RAB3GAP2: variants seen among roughly 807,000 people sequenced by gnomAD.
RAB3GAP2 encodes rab3 GTPase-activating protein non-catalytic subunit.
A neutral mutation model predicts 185.3 loss-of-function variants in RAB3GAP2; 87 were observed. The ratio of observed to expected loss-of-function variants is 0.47; its 90% CI spans 0.39 to 0.56. The LOEUF (loss-of-function observed/expected upper bound fraction) is 0.56, where lower values mean the gene tolerates loss of function less well. Among genes scored for constraint, RAB3GAP2 ranks in the 20% least tolerant of loss-of-function variants. The probability of loss-of-function intolerance (pLI) is 0.00; values close to 1 mark genes in which losing one functional copy is unlikely to be tolerated. For synonymous variants in RAB3GAP2, 554 were observed against 576.1 expected (o/e 0.96, Z 0.55); for missense variants, 1,492 against 1,638.2 (o/e 0.91, Z 1.54).
chr1:220,233,857 C>A (rs757980212), intron 1 of RAB3GAP2, among the ~76,000 whole-genome samples: 1 of 152,128 alleles, frequency 6.6e-6, no homozygotes, highest in Non-Finnish European at 1.5e-5. Flanking sequence ...CCTGCCACCA[C>A]GCCCGGCTGA....
At chr1:220,269,718 T>A (rs182074379) in intron 1 of RAB3GAP2, among the ~76,000 whole-genome samples, 82 of 151,758 alleles carry the variant, frequency 5.4e-4, no homozygotes, top group Non-Finnish European at 1.0e-3. Context: ...TGAGACTTCA[T>A]CTCAAAAAAA....
chr1:220,159,551 A>G (rs1369399486), intron 28 of RAB3GAP2, 130 bp from the exon 29 acceptor site: 8 of 675,236 alleles, frequency 1.2e-5, no homozygotes, highest in Non-Finnish European at 2.1e-5. Flanking sequence ...TGACAGCCTC[A>G]TTAATTAGCT....
intron 1 of RAB3GAP2, among the ~76,000 whole-genome samples, 161 bp from the exon 2 acceptor site, chr1:220,233,024 T>A (rs1443301838): frequency 6.6e-6 from 1 of 152,194 alleles, no homozygotes; most frequent in Non-Finnish European, 1.5e-5. Context: ...CTATATGTAA[T>A]AACAATCAGA....
chr1:220,155,756 A>T (rs1657845326), intron 31 of RAB3GAP2, among the ~76,000 whole-genome samples: 1 of 152,190 alleles, frequency 6.6e-6, no homozygotes, highest in South Asian at 2.1e-4. Flanking sequence ...TGTCTCAGGT[A>T]GTCTTGGCAT....
At chr1:220,155,620 A>G (rs1479987584) in intron 31 of RAB3GAP2, among the ~76,000 whole-genome samples, 23 of 152,200 alleles carry the variant, frequency 1.5e-4, no homozygotes, top group Admixed American at 1.5e-3. Flanking sequence ...TGGCACTGCT[A>G]CTTTCTGAAT....
At chr1:220,202,056 T>C (rs1658870658) in intron 9 of RAB3GAP2, among the ~76,000 whole-genome samples, 2 of 151,980 alleles carry the variant, frequency 1.3e-5, no homozygotes, top group South Asian at 4.2e-4. Flanking sequence ...TCTCAGCTAC[T>C]TGGGAGGCTG....
chr1:220,184,278 A>C lies in RAB3GAP2; in HGVS notation c.1871-115T>G. ...TAATTCCCTGATGCTCTGATGTATT[A>C]AATACTGAGATGCTTAAGCTATACC... On this transcript the variant is annotated intron_variant, in intron 18 of 34. Coordinates refer to ENST00000358951, the MANE Select transcript of RAB3GAP2 (RefSeq NM_012414.4). 3.1e-6 allele frequency: 3 copies of C among 964,150 alleles called. 1 individual carries two copies. The South Asian group carries it at 5.0e-5, about 16-fold the overall frequency. 59.7% of individuals were successfully genotyped at this position (964,150 alleles called of 1,614,324 possible).
rs181714608 is a variant in RAB3GAP2, at chr1:220,260,601, T to G, written c.115+11622A>C. On this transcript the variant is annotated intron_variant, in intron 1 of 34. Coordinates refer to ENST00000358951, the MANE Select transcript of RAB3GAP2 (RefSeq NM_012414.4). ...AACACACTGGGGCCTGTTGGGGTGGTGGGGGGAGGGAGAACATCAGGAAGA... is the reference window on the plus strand; with the variant it reads ...AACACACTGGGGCCTGTTGGGGTGGGGGGGGGAGGGAGAACATCAGGAAGA... Among the ~76,000 whole-genome samples the G allele has an allele frequency of 6.6e-3, 934 of 141,726 alleles. 5 individuals carry two copies. The highest frequency in any genetic ancestry group is 0.011 in the Non-Finnish European group (712 of 65,336). 93.0% of individuals were successfully genotyped at this position (141,726 alleles called of 152,430 possible).
chr1:220,189,971 A>T (rs767093207), intron 16 of RAB3GAP2, 93 bp downstream of exon 16: 7 of 1,154,488 alleles, frequency 6.1e-6, no homozygotes, highest in Admixed American at 1.8e-5. Context: ...AAGCTCATCC[A>T]TGCATTATTT....
chr1:220,233,932 C>T (rs1659546966), intron 1 of RAB3GAP2, among the ~76,000 whole-genome samples: 1 of 152,074 alleles, frequency 6.6e-6, no homozygotes, highest in Non-Finnish European at 1.5e-5. Flanking sequence ...AACTCCTGAC[C>T]TCAAGTGATC....
intron 7 of RAB3GAP2, among the ~76,000 whole-genome samples, chr1:220,207,352 GTTAATC>G (rs1379990195): frequency 2.0e-5 from 3 of 152,090 alleles, no homozygotes; most frequent in Admixed American, 6.5e-5. Context: ...TCAAAAGTTT[GTTAATC>G]TTTATCTTTG....
chr1:220,237,138 C>T (rs1215156831), intron 1 of RAB3GAP2, among the ~76,000 whole-genome samples: 1 of 152,160 alleles, frequency 6.6e-6, no homozygotes, highest in Non-Finnish European at 1.5e-5. Context: ...CAAAAGGTAT[C>T]ATGGAATTAA....
rs1331957590 is a variant in RAB3GAP2 at position 220,189,660 on chromosome 1, T to C, written c.1779+43A>G. Reference sequence around the variant, plus strand: ...TAAAGATTTTCTTAAGAAGGATGTATTATAGCTACTAGCAGGAAAGTTCGT... The same window carrying C: ...TAAAGATTTTCTTAAGAAGGATGTACTATAGCTACTAGCAGGAAAGTTCGT... On this transcript the variant is annotated intron_variant, in intron 17 of 34. Coordinates refer to ENST00000358951, the MANE Select transcript of RAB3GAP2 (RefSeq NM_012414.4). The C allele has an allele frequency of 1.2e-5, 18 of 1,526,182 alleles. No individual in the cohort carries two copies. The East Asian group carries it at 4.2e-4, about 35-fold the overall frequency. The allele number at this position is 1,526,182 out of a possible 1,614,324, so 94.5% of individuals were successfully genotyped here.
rs1657895247 is a variant in RAB3GAP2, at chr1:220,158,205, G to A, written c.3262-329C>T. ...ACTGTTCAGCTTGCTAAGGCATCTG[G>A]TAGCCAAATAATCGTGGTAGATGGA... On this transcript the variant is annotated intron_variant, in intron 29 of 34. Transcript: ENST00000358951. The surrounding 1 kb of genome is among the most constrained non-coding windows in gnomAD (Gnocchi z 4.3). Among the ~76,000 whole-genome samples, 1 of 152,174 alleles carries A rather than the reference G, an allele frequency of 6.6e-6. No individual in the cohort carries two copies. The highest frequency in any genetic ancestry group is 2.4e-5 in the African/African-American group (1 of 41,446).
chr1:220,240,670 G>C (rs1284082152), intron 1 of RAB3GAP2, among the ~76,000 whole-genome samples: 2 of 151,958 alleles, frequency 1.3e-5, no homozygotes, highest in Non-Finnish European at 2.9e-5. Context: ...GATATGAAGA[G>C]AAATAAAGAG....
At chr1:220,224,235 T>C (rs1432703449) in intron 2 of RAB3GAP2, among the ~76,000 whole-genome samples, 1 of 152,144 alleles carries the variant, frequency 6.6e-6, no homozygotes, top group Non-Finnish European at 1.5e-5. Context: ...CAGGGTTTCA[T>C]AATTAGTAAG....
At chr1:220,236,427 C>T (rs1053446583) in intron 1 of RAB3GAP2, among the ~76,000 whole-genome samples, 2 of 152,148 alleles carry the variant, frequency 1.3e-5, no homozygotes, top group Non-Finnish European at 2.9e-5. Context: ...CCGCCCACCT[C>T]GGCCTCCCAA....
At chr1:220,225,389 G>T (rs1292776983) in intron 2 of RAB3GAP2, among the ~76,000 whole-genome samples, 2 of 152,116 alleles carry the variant, frequency 1.3e-5, no homozygotes, top group African/African-American at 4.8e-5. Flanking sequence ...AGACTGGGAG[G>T]GTTACATTAA....
chr1:220,184,641 T>C (rs1180964085), intron 18 of RAB3GAP2, among the ~76,000 whole-genome samples: 5 of 152,132 alleles, frequency 3.3e-5, no homozygotes, highest in Non-Finnish European at 5.9e-5. Context: ...CACAAAATGA[T>C]TAAAGTTTTT....
Sources: allele counts gnomAD v4.1 joint callset (sites outside exome capture counted in the v4.1 genomes callset), GRCh38; gene constraint gnomAD v4.1.1; non-coding constraint Gnocchi (gnomAD v3.1); transcripts MANE v1.5; gene names NCBI Gene and HGNC (gene_info 2026-07-23, HGNC 2026-07-21).